The following MAGI1 variants were observed in gnomAD, a reference collection of about 807,000 sequenced individuals.
The protein encoded by MAGI1 is membrane-associated guanylate kinase, WW and PDZ domain-containing protein 1.
Under a neutral mutation model 139.9 loss-of-function variants are expected in MAGI1, and 58 were observed. The ratio of observed to expected loss-of-function variants is 0.41; its 90% CI spans 0.34 to 0.52. The LOEUF (loss-of-function observed/expected upper bound fraction) is 0.52. Ranked by LOEUF, MAGI1 falls within the 20% of genes least tolerant of loss-of-function variation. MAGI1 has a pLI of 0.12. For missense variants in MAGI1, 1,874 were observed against 1,901.6 expected (o/e 0.99, Z 0.27); for synonymous variants, 812 against 737.9 (o/e 1.10, Z -1.63).
At position 65,504,648 on chromosome 3, in the gene MAGI1, C is replaced by T. The variant is rs1227304618; in HGVS notation, c.431-11017G>A. On this transcript the variant is annotated intron_variant, in intron 2 of 22. Transcript: ENST00000402939. ...TGAATAAATCAACACTGTCTTCATC[C>T]AGGAAACATAGCAGGGAGCTGATGG... Among the ~76,000 whole-genome samples the T allele has an allele frequency of 2.0e-5, 3 of 152,140 alleles. No individual in the cohort carries two copies. In the East Asian group the frequency reaches 5.8e-4, roughly 29 times the overall value.
chr3:65,639,437 T>C (rs2084848267), intron 1 of MAGI1, among the ~76,000 whole-genome samples: 1 of 152,164 alleles, frequency 6.6e-6, no homozygotes, highest in African/African-American at 2.4e-5. Context: ...TCAGGGGGCC[T>C]GGATTTGAGA....
intron 1 of MAGI1, among the ~76,000 whole-genome samples, chr3:65,670,574 T>C (rs1218691060): frequency 6.6e-6 from 1 of 152,166 alleles, no homozygotes; most frequent in Non-Finnish European, 1.5e-5. Context: ...AGAAGAATTA[T>C]AACAAAGGTC....
intron 12 of MAGI1, among the ~76,000 whole-genome samples, chr3:65,424,677 G>A (rs1435056399): frequency 6.6e-6 from 1 of 152,044 alleles, no homozygotes; most frequent in African/African-American, 2.4e-5. Flanking sequence ...TGGACCTTAG[G>A]GAAGACTGAA....
rs1026970350 is a variant in MAGI1 at position 65,962,076 on chromosome 3, A to G, written c.313+75920T>C. Among the ~76,000 whole-genome samples, 9 of 151,938 alleles carry G rather than the reference A, an allele frequency of 5.9e-5. 1 individual carries two copies. The South Asian group carries it at 6.3e-4, about 11-fold the overall frequency. Reference sequence around the variant, plus strand: ...ATATCAGTAGTTTCAAGATAAGAAGAAAGCATATTTGGACTGTTTGTTCTC... The same window carrying G: ...ATATCAGTAGTTTCAAGATAAGAAGGAAGCATATTTGGACTGTTTGTTCTC... On this transcript the variant is annotated intron_variant, in intron 1 of 22. Coordinates refer to ENST00000402939, the MANE Select transcript of MAGI1 (RefSeq NM_001033057.2).
At chr3:65,793,231 C>A (rs2039906516) in intron 1 of MAGI1, among the ~76,000 whole-genome samples, 1 of 152,160 alleles carries the variant, frequency 6.6e-6, no homozygotes, top group African/African-American at 2.4e-5. Flanking sequence ...GCTCTCAGGG[C>A]TTAGCCAGTT....
chr3:65,448,255 C>T (rs1221230050), intron 6 of MAGI1, 198 bp from the exon 7 acceptor site: 2 of 602,192 alleles, frequency 3.3e-6, no homozygotes. Context: ...ACGGGAAGAG[C>T]TGATATTGGC....
At chr3:65,729,540 T>C (rs1025908138) in intron 1 of MAGI1, among the ~76,000 whole-genome samples, 1 of 152,204 alleles carries the variant, frequency 6.6e-6, no homozygotes, top group Non-Finnish European at 1.5e-5. Context: ...AGCCAAAGGT[T>C]TAGAAACAAC....
At chr3:65,619,110 A>T (rs1031599069) in intron 2 of MAGI1, among the ~76,000 whole-genome samples, 1 of 152,234 alleles carries the variant, frequency 6.6e-6, no homozygotes, top group Non-Finnish European at 1.5e-5. Context: ...TTAAACAGGT[A>T]AGTTGTATGG....
At chr3:65,395,468 T>C (rs916408798) in intron 13 of MAGI1, among the ~76,000 whole-genome samples, 4 of 149,332 alleles carry the variant, frequency 2.7e-5, no homozygotes, top group Admixed American at 6.7e-5. Context: ...ATGGTGAAAC[T>C]CCATCTCTAC....
intron 2 of MAGI1, among the ~76,000 whole-genome samples, chr3:65,567,143 C>T (rs1301666580): frequency 6.6e-6 from 1 of 152,170 alleles, no homozygotes; most frequent in African/African-American, 2.4e-5. Flanking sequence ...CCAGGACACT[C>T]ATAATGTTAA....
intron 3 of MAGI1, among the ~76,000 whole-genome samples, chr3:65,482,972 T>C (rs994215287): frequency 6.6e-6 from 1 of 152,258 alleles, no homozygotes; most frequent in Non-Finnish European, 1.5e-5. Flanking sequence ...CTCTTGGTTT[T>C]GCCTGACCCT....
intron 1 of MAGI1, among the ~76,000 whole-genome samples, chr3:65,887,425 A>G (rs551223616): frequency 4.6e-5 from 7 of 151,244 alleles, no homozygotes; most frequent in Middle Eastern, 3.4e-3. Flanking sequence ...CAAGAGGGGG[A>G]AATAAGATTT....
chr3:65,463,872 G>A (rs1441627094), intron 5 of MAGI1, among the ~76,000 whole-genome samples: 1 of 151,416 alleles, frequency 6.6e-6, no homozygotes, highest in Non-Finnish European at 1.5e-5. Context: ...TATGTGTCCA[G>A]GAATTTATCC....
chr3:65,561,808 G>A (rs1041364077), intron 2 of MAGI1, among the ~76,000 whole-genome samples: 1 of 151,982 alleles, frequency 6.6e-6, no homozygotes, highest in African/African-American at 2.4e-5. Flanking sequence ...ACTACAGCTG[G>A]GCAGAAATAC....
chr3:65,365,742 T>G (rs529712184), intron 18 of MAGI1, among the ~76,000 whole-genome samples: 1 of 152,322 alleles, frequency 6.6e-6, no homozygotes, highest in East Asian at 1.9e-4. Context: ...TTTAATTCAG[T>G]GCACCATCAA....
At chr3:65,981,412 G>T (rs958337888) in intron 1 of MAGI1, among the ~76,000 whole-genome samples, 3 of 152,152 alleles carry the variant, frequency 2.0e-5, no homozygotes, top group African/African-American at 7.2e-5. Context: ...GAGTTATGCT[G>T]ACTTCAGATT....
chr3:65,682,216 G>T (rs2087640616), intron 1 of MAGI1, among the ~76,000 whole-genome samples: 1 of 152,188 alleles, frequency 6.6e-6, no homozygotes, highest in Non-Finnish European at 1.5e-5. Context: ...TGCAAAGCCA[G>T]AAAAGGAGAC....
At chr3:65,606,476 G>A (rs1005050258) in intron 2 of MAGI1, among the ~76,000 whole-genome samples, 7 of 151,470 alleles carry the variant, frequency 4.6e-5, no homozygotes, top group African/African-American at 1.7e-4. Flanking sequence ...GAGTAGCTGC[G>A]ATTACAGGTG....
At chr3:65,707,977 T>C (rs909564184) in intron 1 of MAGI1, among the ~76,000 whole-genome samples, 1 of 152,196 alleles carries the variant, frequency 6.6e-6, no homozygotes, top group Non-Finnish European at 1.5e-5. Flanking sequence ...GAGGTAATAT[T>C]GGATAAGGTA....
Sources: allele counts gnomAD v4.1 joint callset (sites outside exome capture counted in the v4.1 genomes callset), GRCh38; gene constraint gnomAD v4.1.1; transcripts MANE v1.5; gene names NCBI Gene and HGNC (gene_info 2026-07-23, HGNC 2026-07-21).